Variants in TFCP2 observed in about 807,000 individuals in gnomAD.
TFCP2 encodes the protein transcription factor CP2.
TFCP2 carries 33 observed loss-of-function variants against 73.4 expected under a neutral mutation model. That is an observed-to-expected ratio of 0.45 (90% confidence interval 0.34 to 0.60). The LOEUF (loss-of-function observed/expected upper bound fraction) is 0.60. Ranked by LOEUF, TFCP2 falls within the 20% of genes least tolerant of loss-of-function variation. The pLI is 0.01. For synonymous variants in TFCP2, 193 were observed against 211.6 expected, an observed-to-expected ratio of 0.91 and a Z score of 0.76; for missense variants, 352 against 604.0, an observed-to-expected ratio of 0.58 and a Z score of 4.37.
At chr12:51,123,716 G>A (rs1322653591) in intron 1 of TFCP2, among the ~76,000 whole-genome samples, 3 of 152,014 alleles carry the variant, frequency 2.0e-5, no homozygotes, top group Non-Finnish European at 2.9e-5. Flanking sequence ...ATGAGCCACT[G>A]TGCCTAGATT....
intron 1 of TFCP2, among the ~76,000 whole-genome samples, chr12:51,148,490 A>T (rs1319545714): frequency 1.3e-5 from 2 of 151,848 alleles, no homozygotes; most frequent in Non-Finnish European, 2.9e-5. Flanking sequence ...TCACAAGGTC[A>T]GGAGTTTAAG....
intron 1 of TFCP2, chr12:51,124,513 G>A (rs1940754083): frequency 2.5e-6 from 1 of 393,224 alleles, no homozygotes; most frequent in South Asian, 2.0e-5. Flanking sequence ...GGGGTAGGGG[G>A]GTAAGGCAGT....
intron 1 of TFCP2, among the ~76,000 whole-genome samples, chr12:51,149,061 G>GTA (rs1447304585): frequency 2.4e-4 from 27 of 111,806 alleles, no homozygotes; most frequent in Admixed American, 2.2e-3. Flanking sequence ...AGAAAATGTG[G>GTA]TATATATACA....
At chr12:51,167,439 C>A (rs1187894940) in intron 1 of TFCP2, among the ~76,000 whole-genome samples, 1 of 151,746 alleles carries the variant, frequency 6.6e-6, no homozygotes, top group Admixed American at 6.6e-5. Context: ...GTCCCCTAGG[C>A]TGGAGTGCAG....
chr12:51,117,826 T>C (rs76738922), intron 2 of TFCP2, 79 bp from the exon 3 acceptor site: 1 of 901,744 alleles, frequency 1.1e-6, no homozygotes, highest in Admixed American at 2.3e-5. Flanking sequence ...ATTCAGTTGG[T>C]TGAATATACA....
chr12:51,104,045 A>T, intron 9 of TFCP2, 110 bp downstream of exon 9: 1 of 1,086,656 alleles, frequency 9.2e-7, no homozygotes, highest in Non-Finnish European at 1.4e-6. Flanking sequence ...ATGTTTGTTT[A>T]ATGAATGAAT....
chr12:51,113,527 C>T (rs2136977342), intron 4 of TFCP2, among the ~76,000 whole-genome samples: 1 of 152,294 alleles, frequency 6.6e-6, no homozygotes, highest in South Asian at 2.1e-4. Flanking sequence ...AAGGAACTTT[C>T]AGCATGCTGG....
At chr12:51,156,343 A>G (rs1184124778) in intron 1 of TFCP2, among the ~76,000 whole-genome samples, 1 of 150,218 alleles carries the variant, frequency 6.7e-6, no homozygotes, top group Non-Finnish European at 1.5e-5. Flanking sequence ...AGAGGAAGCA[A>G]GGGGGGGGGA....
At chr12:51,156,600 T>C (rs1329096440) in intron 1 of TFCP2, among the ~76,000 whole-genome samples, 3 of 152,130 alleles carry the variant, frequency 2.0e-5, no homozygotes. Context: ...TTCTTTCCTC[T>C]TCAATGTTTT....
intron 1 of TFCP2, among the ~76,000 whole-genome samples, chr12:51,143,279 T>A (rs1305144956): frequency 6.6e-6 from 1 of 151,434 alleles, no homozygotes; most frequent in South Asian, 2.1e-4. Context: ...AAGTCCAATA[T>A]AAAACTCTTG....
At chr12:51,120,049 C>T (rs956776334) in intron 1 of TFCP2, among the ~76,000 whole-genome samples, 2 of 151,726 alleles carry the variant, frequency 1.3e-5, no homozygotes, top group East Asian at 1.9e-4. Context: ...TGTGGTGGCG[C>T]ATGCCTGTGG....
At position 51,126,239 on chromosome 12, in the gene TFCP2, A is replaced by AG. The variant is rs1352881396; in HGVS notation, c.123-7468_123-7467insC. Among the ~76,000 whole-genome samples the AG allele has an allele frequency of 2.0e-5, 3 of 151,004 alleles. No individual in the cohort carries two copies. In the East Asian group the frequency reaches 5.8e-4, roughly 29 times the overall value. ...CAGAGTGAGACTCTGTCTCAAAAAAAAAAAAAAAAAAAGAAAAGAAAAGAT... is the reference window on the plus strand; with the variant it reads ...CAGAGTGAGACTCTGTCTCAAAAAAAGAAAAAAAAAAAAGAAAAGAAAAGAT... On this transcript the variant is annotated intron_variant, in intron 1 of 14. Coordinates refer to ENST00000257915, the MANE Select transcript of TFCP2 (RefSeq NM_005653.5).
chr12:51,144,464 T>C (rs1941250902), intron 1 of TFCP2, among the ~76,000 whole-genome samples: 1 of 152,144 alleles, frequency 6.6e-6, no homozygotes, highest in African/African-American at 2.4e-5. Flanking sequence ...AGCATGGTAT[T>C]GAAACAGATA....
chr12:51,094,748 C>T lies in TFCP2; in HGVS notation c.*493G>A, dbSNP rs1443670962. The T allele has an allele frequency of 2.0e-5, 3 of 153,154 alleles. No individual in the cohort carries two copies. Among genetic ancestry groups the T allele is most frequent in the Non-Finnish European group, 4.4e-5 (3 of 68,722 alleles). The allele number at this position is 153,154 out of a possible 1,614,324, so 9.5% of individuals were successfully genotyped here. A position where few individuals can be genotyped will look rare whatever the true frequency, so the allele number is the denominator to read the frequency against. ...AAAAGGAAAATTCTGTATTTCTCCTCACTGATAAAGTTTTCAGGGACAAAC... is the reference window on the plus strand; with the variant it reads ...AAAAGGAAAATTCTGTATTTCTCCTTACTGATAAAGTTTTCAGGGACAAAC... On this transcript the variant is annotated 3_prime_UTR_variant, in exon 15 of 15. Transcript: ENST00000257915.
Position 51,109,211 on chromosome 12 carries a change from G to A in TFCP2, c.627C>T (p.Phe209=). 6.2e-7 allele frequency: 1 copy of A among 1,614,148 alleles called. No individual in the cohort carries two copies. The highest frequency in any genetic ancestry group is 8.5e-7 in the Non-Finnish European group (1 of 1,180,032). Residue 209 remains phenylalanine (F), a synonymous_variant, in exon 6 of 15, where the codon TTC becomes TTT. Transcript: ENST00000257915. ...CCTTGAAGGTATCTATTTGTACTCG[G>A]AATGGCACCCCCTTTTCTCCACCAT... is the stretch of plus-strand genomic sequence containing the variant. ...RKHGGEKGVP[F]RVQIDTFKEN...
chr12:51,104,195 G>A lies in TFCP2; in HGVS notation c.926C>T (p.Ser309Leu). 6.2e-7 allele frequency: 1 copy of A among 1,613,850 alleles called. No homozygotes were observed. Among genetic ancestry groups the A allele is most frequent in the Non-Finnish European group, 8.5e-7 (1 of 1,179,932 alleles). ...SSFSLGEGNG[S>L]PNHQPEPPPP... ...GGGTGGCTCTGGCTGGTGGTTTGGT[G>A]AACCATTTCTAAAGAAACATTTAAA... is the stretch of plus-strand genomic sequence containing the variant. Residue 309 changes from serine to leucine, a missense_variant, in exon 9 of 15, where the codon TCA (serine) becomes TTA (leucine). By Grantham distance (145) the Ser-to-Leu change is moderately radical. This residue lies in a region of TFCP2 where 194 missense variants were observed against 256.3 expected (regional missense o/e 0.76). Coordinates refer to ENST00000257915, the MANE Select transcript of TFCP2 (RefSeq NM_005653.5).
chr12:51,155,798 T>C (rs982183605), intron 1 of TFCP2, among the ~76,000 whole-genome samples: 1 of 152,202 alleles, frequency 6.6e-6, no homozygotes, highest in Non-Finnish European at 1.5e-5. Flanking sequence ...AGCCAGCACT[T>C]TGGGAGGCCA....
chr12:51,146,572 C>T (rs2137023332), intron 1 of TFCP2, among the ~76,000 whole-genome samples: 1 of 152,212 alleles, frequency 6.6e-6, no homozygotes, highest in Admixed American at 6.5e-5. Context: ...AACCGAAACA[C>T]CTGACCTCTA....
At chr12:51,096,963 ATT>A (rs914464235) in intron 13 of TFCP2, among the ~76,000 whole-genome samples, 2 of 145,360 alleles carry the variant, frequency 1.4e-5, no homozygotes, top group African/African-American at 2.5e-5. Flanking sequence ...TTTTTTCTTA[ATT>A]TTTTTTTTTT....
Sources: allele counts gnomAD v4.1 joint callset (sites outside exome capture counted in the v4.1 genomes callset), GRCh38; gene constraint gnomAD v4.1.1; regional missense constraint gnomAD v4.1.1; transcripts MANE v1.5; gene names NCBI Gene and HGNC (gene_info 2026-07-23, HGNC 2026-07-21).